The following CFAP20DC variants were observed in gnomAD, a reference collection of about 807,000 sequenced individuals.
CFAP20DC encodes CFAP20 domain containing.
A neutral mutation model predicts 101.7 loss-of-function variants in CFAP20DC; 84 were observed. The observed-to-expected ratio is 0.83, with a 90% CI of 0.69 to 0.99. CFAP20DC has a LOEUF of 0.99. Ranked by LOEUF, CFAP20DC falls within the 50% of genes least tolerant of loss-of-function variation. CFAP20DC has a pLI of 0.00. For missense variants in CFAP20DC, 1,007 were observed against 970.3 expected, an observed-to-expected ratio of 1.04 and a Z score of -0.50; for synonymous variants, 359 against 351.2, an observed-to-expected ratio of 1.02 and a Z score of -0.25.
At chr3:58,931,214 G>A (rs907437433) in intron 5 of CFAP20DC, among the ~76,000 whole-genome samples, 4 of 152,136 alleles carry the variant, frequency 2.6e-5, no homozygotes, top group African/African-American at 9.7e-5. Flanking sequence ...AAGCGAGGCT[G>A]GGGGAGGGGT....
chr3:58,749,260 A>G (rs2068410146), intron 16 of CFAP20DC, among the ~76,000 whole-genome samples: 1 of 152,142 alleles, frequency 6.6e-6, no homozygotes, highest in East Asian at 1.9e-4. Context: ...CAACTTTTAG[A>G]CTCAGAGTAT....
chr3:58,856,917 A>G (rs1002065824), intron 12 of CFAP20DC, among the ~76,000 whole-genome samples: 1 of 152,168 alleles, frequency 6.6e-6, no homozygotes. Flanking sequence ...GATTTCTGTG[A>G]TCAAAAGATC....
At chr3:59,035,162 G>A (rs1027728197) in intron 4 of CFAP20DC, among the ~76,000 whole-genome samples, 4 of 152,056 alleles carry the variant, frequency 2.6e-5, no homozygotes, top group Non-Finnish European at 5.9e-5. Flanking sequence ...AAGACACAAT[G>A]TACCAGAATC....
intron 3 of CFAP20DC, among the ~76,000 whole-genome samples, chr3:58,730,488 C>T (rs1005361140): frequency 6.6e-5 from 10 of 151,954 alleles, no homozygotes; most frequent in Non-Finnish European, 1.5e-4. Context: ...TGATAAAGGC[C>T]GGGGGGTGGA....
At chr3:58,875,786 GGGGA>G (rs1185222598) in intron 7 of CFAP20DC, among the ~76,000 whole-genome samples, 1 of 125,816 alleles carries the variant, frequency 7.9e-6, no homozygotes, top group Non-Finnish European at 1.6e-5. Context: ...GAACTTTTGT[GGGGA>G]GGGAGTATTT....
intron 5 of CFAP20DC, among the ~76,000 whole-genome samples, chr3:58,919,416 T>C (rs1024706750): frequency 2.2e-4 from 33 of 152,338 alleles, no homozygotes; most frequent in African/African-American, 7.5e-4. Flanking sequence ...CTTAATTACT[T>C]ATGCTTTAAA....
chr3:58,841,257 ATTTATGGATTC>A (rs1168651102), intron 13 of CFAP20DC, among the ~76,000 whole-genome samples: 1 of 152,204 alleles, frequency 6.6e-6, no homozygotes, highest in East Asian at 1.9e-4. Context: ...TCAGAAAGAC[ATTTATGGATTC>A]TTCAAACAAT....
chr3:58,746,703 G>C lies in CFAP20DC; in HGVS notation c.2333-4131C>G, dbSNP rs61472870. 4.5e-3 allele frequency among the ~76,000 whole-genome samples: 683 copies of C among 152,118 alleles called. 5 individuals carry two copies. Among genetic ancestry groups the C allele is most frequent in the African/African-American group, 0.016 (646 of 41,518 alleles). ...CATGGGGACTAAGATAGGTTTTTTGGTTTTTTTAGTACCAAAGCTTCAAAT... is the reference window on the plus strand; with the variant it reads ...CATGGGGACTAAGATAGGTTTTTTGCTTTTTTTAGTACCAAAGCTTCAAAT... On this transcript the variant is annotated intron_variant, in intron 16 of 16. Coordinates refer to ENST00000482387, the MANE Select transcript of CFAP20DC (RefSeq NM_001394063.1).
chr3:58,720,469 G>A (rs1234180899), intron 3 of CFAP20DC, among the ~76,000 whole-genome samples: 1 of 152,148 alleles, frequency 6.6e-6, no homozygotes, highest in Non-Finnish European at 1.5e-5. Flanking sequence ...TGGGCTCTAA[G>A]GGTCAGTAGA....
At chr3:58,978,716 CAA>C (rs201916298) in intron 4 of CFAP20DC, among the ~76,000 whole-genome samples, 69 of 66,464 alleles carry the variant, frequency 1.0e-3, no homozygotes, top group Admixed American at 1.6e-3. Flanking sequence ...TCCCTGTCTG[CAA>C]AAAAAAAAAA....
intron 4 of CFAP20DC, among the ~76,000 whole-genome samples, chr3:58,941,164 A>T (rs1412321279): frequency 6.6e-6 from 1 of 151,838 alleles, no homozygotes; most frequent in African/African-American, 2.4e-5. Flanking sequence ...CCTCGTCTCT[A>T]CTAAAAATAC....
At chr3:58,857,190 G>A (rs2078905039) in intron 12 of CFAP20DC, among the ~76,000 whole-genome samples, 1 of 152,154 alleles carries the variant, frequency 6.6e-6, no homozygotes, top group African/African-American at 2.4e-5. Context: ...TGTCATTTTA[G>A]GAATTTCAGA....
chr3:58,994,814 C>A (rs759133950), intron 4 of CFAP20DC, among the ~76,000 whole-genome samples: 6 of 151,004 alleles, frequency 4.0e-5, no homozygotes, highest in Non-Finnish European at 8.8e-5. Flanking sequence ...TGACTTTGCT[C>A]GGGTAAAGAA....
intron 5 of CFAP20DC, among the ~76,000 whole-genome samples, chr3:58,929,663 T>C (rs1427727348): frequency 6.6e-6 from 1 of 152,198 alleles, no homozygotes; most frequent in Non-Finnish European, 1.5e-5. Flanking sequence ...TCATTTTTAT[T>C]ACAGGGCTGC....
chr3:59,032,511 G>C (rs960862131), intron 4 of CFAP20DC, among the ~76,000 whole-genome samples: 4 of 152,136 alleles, frequency 2.6e-5, no homozygotes, highest in African/African-American at 9.7e-5. Context: ...AGCTTGGTGG[G>C]GGGAGGGGCA....
chr3:58,720,991 C>G (rs768756217), intron 3 of CFAP20DC, among the ~76,000 whole-genome samples: 12 of 152,172 alleles, frequency 7.9e-5, no homozygotes, highest in Non-Finnish European at 1.5e-4. Flanking sequence ...AGGAGAAGCA[C>G]TTGGTGGAAA....
At chr3:59,019,992 G>A (rs1328803569) in intron 4 of CFAP20DC, among the ~76,000 whole-genome samples, 2 of 151,988 alleles carry the variant, frequency 1.3e-5, no homozygotes, top group East Asian at 3.9e-4. Flanking sequence ...AAATCTACCT[G>A]TCTTCTATAA....
At chr3:58,883,496 C>T (rs1454215117) in intron 7 of CFAP20DC, among the ~76,000 whole-genome samples, 1 of 152,252 alleles carries the variant, frequency 6.6e-6, no homozygotes, top group South Asian at 2.1e-4. Flanking sequence ...AACTTATCTA[C>T]CCATTTTGCT....
At chr3:58,791,411 T>C (rs2072842426) in intron 15 of CFAP20DC, among the ~76,000 whole-genome samples, 1 of 152,152 alleles carries the variant, frequency 6.6e-6, no homozygotes, top group African/African-American at 2.4e-5. Flanking sequence ...GGTTAACTAA[T>C]GTCATAAGGA....
Sources: gnomAD v4.1 joint callset for allele counts (sites outside exome capture counted in the v4.1 genomes callset) on GRCh38, gnomAD v4.1.1 for gene constraint, MANE v1.5 for transcripts, NCBI Gene and HGNC (gene_info 2026-07-23, HGNC 2026-07-21) for gene names.